The following KCNN2 variants were observed in gnomAD, a reference collection of about 807,000 sequenced individuals.
KCNN2 encodes small conductance calcium-activated potassium channel protein 2.
Under a neutral mutation model 55.5 loss-of-function variants are expected in KCNN2, and 24 were observed. That is an observed-to-expected ratio of 0.43 (90% CI 0.31 to 0.61). KCNN2 has a LOEUF of 0.61. KCNN2 is among the 20% of genes least tolerant of loss of function. The pLI is 0.08. For synonymous variants in KCNN2, 431 were observed against 336.1 expected (o/e 1.28, Z -3.09); for missense variants, 754 against 853.6 (o/e 0.88, Z 1.45).
chr5:114,186,914 A>C (rs918553031), intron 1 of KCNN2, among the ~76,000 whole-genome samples: 5 of 152,194 alleles, frequency 3.3e-5, no homozygotes, highest in Admixed American at 1.3e-4. Flanking sequence ...TATAACCTTA[A>C]CACCAAATTT....
At chr5:114,275,541 C>A (rs1755467553) in intron 2 of KCNN2, among the ~76,000 whole-genome samples, 1 of 152,088 alleles carries the variant, frequency 6.6e-6, no homozygotes, top group Non-Finnish European at 1.5e-5. Flanking sequence ...AGAGATTCAA[C>A]TTCTTCCTGG....
chr5:114,163,323 C>T (rs1392000163), intron 1 of KCNN2, among the ~76,000 whole-genome samples: 1 of 152,136 alleles, frequency 6.6e-6, no homozygotes, highest in Non-Finnish European at 1.5e-5. Flanking sequence ...ACTTCCAATA[C>T]TATGTTGAAT....
Position 114,158,166 on chromosome 5 carries a change from G to A in KCNN2, c.-270-63314G>A, listed in dbSNP as rs951751128. ...AACATGTAAGTCTTTAATCCATCTT[G>A]AATTAATTTTTGTATAAGGTGTAAG... On this transcript the variant is annotated intron_variant, in intron 1 of 10. Transcript: ENST00000512097. 3.9e-5 allele frequency among the ~76,000 whole-genome samples: 6 copies of A among 152,126 alleles called. No individual in the cohort carries two copies. The East Asian group carries it at 1.2e-3, about 29-fold the overall frequency.
At chr5:114,485,361 C>G (rs891127406) in intron 5 of KCNN2, among the ~76,000 whole-genome samples, 2 of 152,240 alleles carry the variant, frequency 1.3e-5, no homozygotes, top group Admixed American at 1.3e-4. Flanking sequence ...TCTTTCCTCA[C>G]AGGGAAAGGC....
At chr5:114,425,388 A>T (rs941552738) in intron 3 of KCNN2, among the ~76,000 whole-genome samples, 4 of 152,130 alleles carry the variant, frequency 2.6e-5, no homozygotes, top group South Asian at 2.1e-4. Flanking sequence ...ATTTCTGGAC[A>T]CCTCCTACTA....
chr5:114,197,687 T>A (rs1487300583), intron 1 of KCNN2, among the ~76,000 whole-genome samples: 1 of 152,020 alleles, frequency 6.6e-6, no homozygotes, highest in East Asian at 1.9e-4. Context: ...GGAGGCAGAA[T>A]AGGGGTGGGA....
intron 2 of KCNN2, among the ~76,000 whole-genome samples, chr5:114,259,459 G>T (rs1006786070): frequency 3.9e-5 from 6 of 152,174 alleles, no homozygotes; most frequent in African/African-American, 1.4e-4. Context: ...CGGGTCCAGG[G>T]GTTGGTGAGT....
intron 2 of KCNN2, among the ~76,000 whole-genome samples, chr5:114,323,859 G>A (rs1028508065): frequency 1.3e-5 from 2 of 151,760 alleles, no homozygotes; most frequent in Admixed American, 6.6e-5. Context: ...ATGTTGGCCA[G>A]GATGGTCTTA....
At chr5:114,186,501 ATTAT>A (rs1753337983) in intron 1 of KCNN2, among the ~76,000 whole-genome samples, 1 of 152,176 alleles carries the variant, frequency 6.6e-6, no homozygotes, top group African/African-American at 2.4e-5. Context: ...GAACTAATAA[ATTAT>A]TTAATAAGGC....
At chr5:114,079,621 A>G (rs1750760043) in intron 1 of KCNN2, among the ~76,000 whole-genome samples, 1 of 152,144 alleles carries the variant, frequency 6.6e-6, no homozygotes. Flanking sequence ...TTTTTAATAC[A>G]GTAGAACGTA....
intron 5 of KCNN2, among the ~76,000 whole-genome samples, chr5:114,479,964 C>T: frequency 6.6e-6 from 1 of 151,224 alleles, no homozygotes; most frequent in Middle Eastern, 3.4e-3. Context: ...ATCTGGAGAA[C>T]CAAGAACAAA....
intron 3 of KCNN2, among the ~76,000 whole-genome samples, chr5:114,457,902 C>T (rs1761003173): frequency 6.6e-6 from 1 of 152,212 alleles, no homozygotes; most frequent in African/African-American, 2.4e-5. Flanking sequence ...TAACCAATGT[C>T]TTGATAACCA....
At chr5:114,106,420 C>T (rs182664602) in intron 1 of KCNN2, among the ~76,000 whole-genome samples, 34 of 151,380 alleles carry the variant, frequency 2.2e-4, no homozygotes, top group Admixed American at 1.8e-3. Flanking sequence ...GTATATATTG[C>T]GAAGGGTTTT....
intron 2 of KCNN2, among the ~76,000 whole-genome samples, chr5:114,340,029 A>G (rs1191912778): frequency 6.6e-6 from 1 of 152,172 alleles, no homozygotes; most frequent in Non-Finnish European, 1.5e-5. Flanking sequence ...CTATGGATAT[A>G]TGACTCAAGT....
intron 2 of KCNN2, among the ~76,000 whole-genome samples, chr5:114,331,395 A>C (rs28321): frequency 0.41 from 62,499 of 152,004 alleles, 13,651 homozygotes; most frequent in East Asian, 0.86. Flanking sequence ...GGTAAGCTTC[A>C]CACAGCAGTG....
chr5:114,444,777 C>T (rs1164046194), intron 3 of KCNN2, among the ~76,000 whole-genome samples: 1 of 152,096 alleles, frequency 6.6e-6, no homozygotes, highest in African/African-American at 2.4e-5. Context: ...CTATGCTGAC[C>T]TGAAGCTTCA....
At chr5:114,108,049 A>G (rs1048959138) in intron 1 of KCNN2, among the ~76,000 whole-genome samples, 1 of 151,950 alleles carries the variant, frequency 6.6e-6, no homozygotes, top group Non-Finnish European at 1.5e-5. Context: ...TTTGTATTTT[A>G]TGTTATCTAA....
At chr5:114,081,435 A>G (rs987476219) in intron 1 of KCNN2, among the ~76,000 whole-genome samples, 31 of 152,190 alleles carry the variant, frequency 2.0e-4, no homozygotes, top group African/African-American at 7.2e-4. Flanking sequence ...TGGCATACAG[A>G]CATACAGACC....
intron 2 of KCNN2, among the ~76,000 whole-genome samples, chr5:114,305,842 G>A (rs1756259059): frequency 6.6e-6 from 1 of 152,174 alleles, no homozygotes; most frequent in African/African-American, 2.4e-5. Flanking sequence ...ATTCTTAAAT[G>A]TTTCCAGTCC....
Sources: allele counts gnomAD v4.1 joint callset (sites outside exome capture counted in the v4.1 genomes callset), GRCh38; gene constraint gnomAD v4.1.1; transcripts MANE v1.5; gene names NCBI Gene and HGNC (gene_info 2026-07-23, HGNC 2026-07-21).